REPS2: variants seen among roughly 807,000 people sequenced by gnomAD.
REPS2 encodes the protein ralBP1-associated Eps domain-containing protein 2.
A neutral mutation model predicts 53.6 loss-of-function variants in REPS2; 23 were observed. That is an observed-to-expected ratio of 0.43 (90% CI 0.31 to 0.61). The LOEUF (loss-of-function observed/expected upper bound fraction) is 0.61, where lower values mean the gene tolerates loss of function less well. Among genes scored for constraint, REPS2 ranks in the 20% least tolerant of loss-of-function variants. The pLI is 0.11. For synonymous variants in REPS2, 238 were observed against 218.6 expected (o/e 1.09, Z -0.78); for missense variants, 446 against 534.9 (o/e 0.83, Z 1.64).
chrX:17,135,523 T>C, intron 16 of REPS2, 117 bp downstream of exon 16: 1 of 876,179 alleles, frequency 1.1e-6, no homozygotes, highest in Non-Finnish European at 1.6e-6. Flanking sequence ...GGTTGTAAGT[T>C]TATCTTGCTC....
At chrX:17,110,595 G>A (rs2062951958) in intron 14 of REPS2, among the ~76,000 whole-genome samples, 1 of 108,940 alleles carries the variant, frequency 9.2e-6, no homozygotes, top group Admixed American at 9.9e-5. Flanking sequence ...AGGAGGCTGA[G>A]GCAGGAGAAT....
chrX:17,071,283 A>G (rs766139972), intron 11 of REPS2, among the ~76,000 whole-genome samples: 1 of 111,335 alleles, frequency 9.0e-6, no homozygotes, highest in South Asian at 3.8e-4. Context: ...TTCATGTTGT[A>G]GTATTAGTAA....
intron 15 of REPS2, among the ~76,000 whole-genome samples, chrX:17,134,181 G>A (rs1278822589): frequency 9.0e-6 from 1 of 111,448 alleles, no homozygotes; most frequent in Non-Finnish European, 1.9e-5. Context: ...AGCTAAAAGG[G>A]CTGTGGGGAG....
chrX:17,059,163 A>G (rs758072185), intron 8 of REPS2, among the ~76,000 whole-genome samples: 59 of 108,338 alleles, frequency 5.4e-4, no homozygotes, highest in African/African-American at 1.8e-3. Flanking sequence ...GGCACATGCC[A>G]CCATGCCCGG....
At chrX:17,041,818 T>G (rs956690679) in intron 5 of REPS2, among the ~76,000 whole-genome samples, 2 of 112,459 alleles carry the variant, frequency 1.8e-5, no homozygotes, top group African/African-American at 6.5e-5. Context: ...ACACACACCC[T>G]TCTTAAGTTC....
At chrX:17,196,419 C>A in the REPS2 span, among the ~76,000 whole-genome samples, 1 of 110,771 alleles carries the variant, frequency 9.0e-6, no homozygotes, top group African/African-American at 3.3e-5. Context: ...GAGGCGGGGC[C>A]TTTGGGAGAT....
intron 6 of REPS2, 32 bp downstream of exon 6, chrX:17,047,514 C>T: frequency 8.4e-7 from 1 of 1,190,700 alleles, no homozygotes; most frequent in Non-Finnish European, 1.1e-6. Flanking sequence ...GCATCACTCT[C>T]ACCAGAACAT....
intron 12 of REPS2, 87 bp from the exon 13 acceptor site, chrX:17,077,184 G>T: frequency 9.9e-7 from 1 of 1,007,896 alleles, no homozygotes; most frequent in South Asian, 2.7e-5. Context: ...TAGTCACTTT[G>T]ACTTCGTGGG....
rs181022369 is a variant in REPS2 at position 16,996,330 on chromosome X, C to T, written c.274-9891C>T. Among the ~76,000 whole-genome samples, 14 of 111,672 alleles carry T rather than the reference C, an allele frequency of 1.3e-4. No homozygotes were observed. In the East Asian group the frequency reaches 2.8e-3, roughly 23 times the overall value. On this transcript the variant is annotated intron_variant, in intron 1 of 17. Coordinates refer to ENST00000357277, the MANE Select transcript of REPS2 (RefSeq NM_004726.3). The stretch of plus-strand genomic sequence containing the variant: ...GGTTTGGGGCTTGGTTCTGGTTAGT[C>T]GAGGCAGAGCCCCTTAGAGGTGTTT...
intron 9 of REPS2, 76 bp from the exon 10 acceptor site, chrX:17,068,325 AT>A (rs1160392608): frequency 3.5e-5 from 29 of 833,761 alleles, no homozygotes; most frequent in South Asian, 7.5e-5. Context: ...AAAAAAAAAA[AT>A]TTTTTTTCAT....
intron 1 of REPS2, among the ~76,000 whole-genome samples, chrX:17,004,413 CTTTT>C (rs5901599): frequency 1.8e-4 from 14 of 79,847 alleles, no homozygotes; most frequent in African/African-American, 1.9e-4. Context: ...CAGAACTAAC[CTTTT>C]TTTTTTTTTT....
intron 12 of REPS2, 58 bp downstream of exon 12, chrX:17,074,217 TAAG>T: frequency 1.9e-6 from 2 of 1,075,944 alleles, no homozygotes; most frequent in Non-Finnish European, 2.6e-6. Context: ...TGCCTAGAAA[TAAG>T]AACCACAAAC....
At chrX:17,158,920 C>T in the REPS2 span, among the ~76,000 whole-genome samples, 1 of 112,112 alleles carries the variant, frequency 8.9e-6, no homozygotes, top group Non-Finnish European at 1.9e-5. Flanking sequence ...TGACCAGCCT[C>T]AGTGAGGGGA....
chrX:17,134,175 A>G (rs2063330827), intron 15 of REPS2, among the ~76,000 whole-genome samples: 1 of 111,542 alleles, frequency 9.0e-6, no homozygotes, highest in Non-Finnish European at 1.9e-5. Flanking sequence ...GGCAAGAGCT[A>G]AAAGGGCTGT....
At chrX:16,999,468 G>C (rs2061274431) in intron 1 of REPS2, among the ~76,000 whole-genome samples, 1 of 105,119 alleles carries the variant, frequency 9.5e-6, no homozygotes, top group South Asian at 4.4e-4. Context: ...ACTGGGGTGA[G>C]TTTTGGGCCT....
chrX:17,035,806 CTT>C (rs1211352450), intron 5 of REPS2, among the ~76,000 whole-genome samples: 1 of 110,867 alleles, frequency 9.0e-6, no homozygotes, highest in Non-Finnish European at 1.9e-5. Flanking sequence ...ATATGAATAT[CTT>C]TTTTATATAC....
intron 13 of REPS2, among the ~76,000 whole-genome samples, chrX:17,081,973 A>G (rs1170320019): frequency 8.9e-6 from 1 of 112,311 alleles, no homozygotes; most frequent in Non-Finnish European, 1.9e-5. Flanking sequence ...GAAAAATCAC[A>G]CTAAGCTGGT....
At chrX:17,178,799 C>T in the REPS2 span, among the ~76,000 whole-genome samples, 17 of 109,336 alleles carry the variant, frequency 1.6e-4, no homozygotes, top group African/African-American at 5.7e-4. Flanking sequence ...GTGGTGGCGT[C>T]GGAGGCAGGA....
rs1286790083 is a variant in REPS2, at chrX:17,056,680, G to A, written c.1114+1730G>A. Among the ~76,000 whole-genome samples the A allele has an allele frequency of 7.7e-5, 6 of 78,287 alleles. No homozygotes were observed. The East Asian group carries it at 2.3e-3, about 29-fold the overall frequency. 68.0% of individuals were successfully genotyped at this position (78,287 alleles called of 115,157 possible). Reference sequence around the variant, plus strand: ...ACTGCACTCCAGCCTGGGAGAAAGAGTGAGACTCTGTCTAAAAAAAAAAAG... The same window carrying A: ...ACTGCACTCCAGCCTGGGAGAAAGAATGAGACTCTGTCTAAAAAAAAAAAG... On this transcript the variant is annotated intron_variant, in intron 8 of 17. Coordinates refer to ENST00000357277, the MANE Select transcript of REPS2 (RefSeq NM_004726.3).
Sources: gnomAD v4.1 joint callset for allele counts (sites outside exome capture counted in the v4.1 genomes callset) on GRCh38, gnomAD v4.1.1 for gene constraint, MANE v1.5 for transcripts, NCBI Gene and HGNC (gene_info 2026-07-23, HGNC 2026-07-21) for gene names.